The following OXNAD1 variants were observed in gnomAD, a reference collection of about 807,000 sequenced individuals.
OXNAD1 encodes the protein oxidoreductase NAD-binding domain-containing protein 1.
In OXNAD1, 34 loss-of-function variants were observed where a neutral mutation model predicts 32.9. That is an observed-to-expected ratio of 1.03 (90% CI 0.79 to 1.38). The LOEUF is 1.38. Ranked by LOEUF, OXNAD1 falls within the 40% of genes most tolerant of loss-of-function variation. The probability of loss-of-function intolerance (pLI) is 0.00; values close to 1 mark genes in which losing one functional copy is unlikely to be tolerated. For synonymous variants in OXNAD1, 134 were observed against 135.2 expected (o/e 0.99, Z 0.06); for missense variants, 407 against 379.4 (o/e 1.07, Z -0.60).
In OXNAD1 at chr3:16,265,260, G is replaced by C; in HGVS notation, c.-404G>C. On this transcript the variant is annotated 5_prime_UTR_variant, in exon 1 of 9. Transcript: ENST00000285083. This position sits in a 1 kb window ranked among gnomAD's most constrained non-coding sequence, Gnocchi z 4.8. ...ACGTGGCCGGGTCTGCAAGCTAGGT[G>C]CCAGCGGGGAAAGTTTCCCTGCTTC... The C allele has an allele frequency of 4.3e-6, 1 of 230,002 alleles. No individual in the cohort carries two copies. The highest frequency in any genetic ancestry group is 8.7e-6 in the Non-Finnish European group (1 of 115,088). The allele number at this position is 230,002 out of a possible 1,614,324, so 14.2% of individuals were successfully genotyped here. A position where few individuals can be genotyped will look rare whatever the true frequency, so the allele number is the denominator to read the frequency against.
intron 1 of OXNAD1, among the ~76,000 whole-genome samples, chr3:16,266,602 C>CAA (rs77883979): frequency 0.049 from 3,576 of 72,740 alleles, 170 homozygotes; most frequent in East Asian, 0.11. Context: ...GACGCTGTCT[C>CAA]AAAAAAAAAA....
intron 9 of OXNAD1, chr3:16,315,768 T>G (rs1165994486): frequency 6.6e-6 from 1 of 152,140 alleles, no homozygotes; most frequent in East Asian, 1.9e-4. Context: ...AAACTTATAG[T>G]GAATGGGGGG....
chr3:16,284,310 TAC>T lies in OXNAD1; in HGVS notation c.184-2030_184-2029del, dbSNP rs1402718700. Among the ~76,000 whole-genome samples the T allele has an allele frequency of 6.6e-6, 1 of 152,222 alleles. No individual in the cohort carries two copies. Among genetic ancestry groups the T allele is most frequent in the Non-Finnish European group, 1.5e-5 (1 of 68,034 alleles). ...ATTAATTTTAATTAAGACAATGAAA[TAC>T]AGTCATGTGTTGCCTGCTGACGGGG... On this transcript the variant is annotated intron_variant, in intron 4 of 8. Transcript: ENST00000285083. This position sits in a 1 kb window ranked among gnomAD's most constrained non-coding sequence, Gnocchi z 4.1.
chr3:16,347,284 T>C (rs1166983486), intron 9 of OXNAD1, among the ~76,000 whole-genome samples: 1 of 152,242 alleles, frequency 6.6e-6, no homozygotes, highest in Non-Finnish European at 1.5e-5. Context: ...CGTCCATGCA[T>C]GTTATATCCA....
At chr3:16,276,515 ATTT>A (rs35338490) in intron 4 of OXNAD1, 4,848 of 143,566 alleles carry the variant, frequency 0.034, 71 homozygotes, top group Middle Eastern at 0.07. Flanking sequence ...CAATCTTGCT[ATTT>A]TTTTTTTTTT....
chr3:16,332,980 C>A (rs534506485), intron 9 of OXNAD1, among the ~76,000 whole-genome samples: 16 of 152,116 alleles, frequency 1.1e-4, no homozygotes, highest in African/African-American at 3.1e-4. Context: ...AGCATCTGGT[C>A]GCAACAGTTT....
Position 16,303,706 on chromosome 3 carries a change from A to C in OXNAD1, c.*144A>C. 1.1e-6 allele frequency: 1 copy of C among 870,630 alleles called. No individual in the cohort carries two copies. The highest frequency in any genetic ancestry group is 1.6e-6 in the Non-Finnish European group (1 of 611,462). The allele number at this position is 870,630 out of a possible 1,614,324, so 53.9% of individuals were successfully genotyped here. A position where few individuals can be genotyped will look rare whatever the true frequency, so the allele number is the denominator to read the frequency against. ...AAACTTAGTGACCAGCTGGATAATA[A>C]AAGCCAGCTGGCAGACTTAAATGAT... On this transcript the variant is annotated 3_prime_UTR_variant, in exon 9 of 9. Transcript: ENST00000285083. This position sits in a 1 kb window ranked among gnomAD's most constrained non-coding sequence, Gnocchi z 4.8.
intron 9 of OXNAD1, chr3:16,326,969 CAGAAA>C: frequency 1.1e-6 from 1 of 938,266 alleles, no homozygotes; most frequent in East Asian, 2.7e-5. Flanking sequence ...ATCCGCAAAA[CAGAAA>C]AGAAGTGGCG....
At chr3:16,318,376 G>A (rs1575220116) in intron 9 of OXNAD1, among the ~76,000 whole-genome samples, 2 of 152,294 alleles carry the variant, frequency 1.3e-5, no homozygotes, top group South Asian at 4.1e-4. Flanking sequence ...CAGTTCCTAT[G>A]ATTTCTTGCT....
rs1270174019 is a variant in OXNAD1 at position 16,329,902 on chromosome 3, C to T, written c.*31-7210C>T. ...GGCTGCATCTCGGGCCAGGTTTTCTCTGCGGGCACCCAGAGCTGCGAGACA... is the reference window on the plus strand; with the variant it reads ...GGCTGCATCTCGGGCCAGGTTTTCTTTGCGGGCACCCAGAGCTGCGAGACA... On this transcript the variant is annotated intron_variant, in intron 9 of 9. Transcript: ENST00000435829. This position sits in a 1 kb window ranked among gnomAD's most constrained non-coding sequence, Gnocchi z 4.5. Among the ~76,000 whole-genome samples, 1 of 152,152 alleles carries T rather than the reference C, an allele frequency of 6.6e-6. No individual in the cohort carries two copies. Among genetic ancestry groups the T allele is most frequent in the African/African-American group, 2.4e-5 (1 of 41,428 alleles).
At chr3:16,330,532 GC>G (rs750565791) in intron 9 of OXNAD1, among the ~76,000 whole-genome samples, 1 of 152,154 alleles carries the variant, frequency 6.6e-6, no homozygotes, top group Non-Finnish European at 1.5e-5. Flanking sequence ...TCAAAAGCCA[GC>G]CTGCTTATCA....
chr3:16,291,837 A>C (rs535945140), intron 5 of OXNAD1, among the ~76,000 whole-genome samples: 8 of 152,158 alleles, frequency 5.3e-5, no homozygotes, highest in Non-Finnish European at 1.2e-4. Context: ...TGGCTGTGCC[A>C]TTTTACATTC....
chr3:16,325,127 TTACTC>T (rs1295952724), intron 9 of OXNAD1, among the ~76,000 whole-genome samples: 1 of 152,258 alleles, frequency 6.6e-6, no homozygotes, highest in Non-Finnish European at 1.5e-5. Context: ...GAACTAATAT[TTACTC>T]TGCACCTATT....
In OXNAD1 at chr3:16,320,268, CAG is replaced by C. The variant is rs2068896817; in HGVS notation, c.*30+16679_*30+16680del. ...GCCTTGAAAATCACACGCACGTACA[CAG>C]AGGTTTCTTTCCAATGCTGAAAAGT... On this transcript the variant is annotated intron_variant, in intron 9 of 9. Transcript: ENST00000435829. The surrounding 1 kb of genome is among the most constrained non-coding windows in gnomAD (Gnocchi z 4.5). 6.6e-6 allele frequency among the ~76,000 whole-genome samples: 1 copy of C among 152,232 alleles called. No individual in the cohort carries two copies. Among genetic ancestry groups the C allele is most frequent in the African/African-American group, 2.4e-5 (1 of 41,462 alleles).
chr3:16,337,318 A>AT (rs2070949801), downstream of OXNAD1: 1 of 152,248 alleles, frequency 6.6e-6, no homozygotes, highest in African/African-American at 2.4e-5. The surrounding 1 kb of genome is among the most constrained non-coding windows in gnomAD (Gnocchi z 5.0). Context: ...TTGGGTTATG[A>AT]TTTTAACTCA....
At position 16,297,789 on chromosome 3, in the gene OXNAD1, A is replaced by G. The variant is rs1395863404; in HGVS notation, c.432+2792A>G. The stretch of plus-strand genomic sequence containing the variant: ...TCACATTCTGGAAGACAAAGATATA[A>G]TGATGGGAAACCAGTGGTTGACTGG... On this transcript the variant is annotated intron_variant, in intron 6 of 8. Transcript: ENST00000285083. The surrounding 1 kb of genome is among the most constrained non-coding windows in gnomAD (Gnocchi z 4.3). 1.3e-5 allele frequency among the ~76,000 whole-genome samples: 2 copies of G among 152,192 alleles called. No individual in the cohort carries two copies. The highest frequency in any genetic ancestry group is 2.9e-5 in the Non-Finnish European group (2 of 68,034).
At chr3:16,270,239 C>T (rs186481891) in intron 2 of OXNAD1, among the ~76,000 whole-genome samples, 204 of 152,312 alleles carry the variant, frequency 1.3e-3, no homozygotes, top group Non-Finnish European at 2.2e-3. Context: ...GATTCATTTT[C>T]TCTGTTTTTA....
downstream of OXNAD1, among the ~76,000 whole-genome samples, chr3:16,340,423 C>G (rs2071242764): frequency 6.6e-6 from 1 of 152,204 alleles, no homozygotes; most frequent in African/African-American, 2.4e-5. Flanking sequence ...TGAGGCCACT[C>G]TAGATCATTC....
downstream of OXNAD1, among the ~76,000 whole-genome samples, chr3:16,306,427 A>T (rs1227886442): frequency 6.6e-6 from 1 of 152,190 alleles, no homozygotes; most frequent in Non-Finnish European, 1.5e-5. Flanking sequence ...CAGCACAACC[A>T]CAATGTCATC....
Sources: gnomAD v4.1 joint callset for allele counts (sites outside exome capture counted in the v4.1 genomes callset) on GRCh38, gnomAD v4.1.1 for gene constraint, Gnocchi (gnomAD v3.1) non-coding constraint, MANE v1.5 for transcripts, NCBI Gene and HGNC (gene_info 2026-07-23, HGNC 2026-07-21) for gene names.